IMMP2L: variants seen among roughly 807,000 people sequenced by gnomAD.
IMMP2L encodes inner mitochondrial membrane peptidase subunit 2.
A neutral mutation model predicts 19.3 loss-of-function variants in IMMP2L; 18 were observed. The observed-to-expected ratio is 0.93, with a 90% CI of 0.64 to 1.38. The LOEUF is 1.38. IMMP2L is among the 40% of genes most tolerant of loss of function. The pLI, the probability that IMMP2L is intolerant of heterozygous loss-of-function variation, is 0.00. For synonymous variants in IMMP2L, 76 were observed against 73.0 expected, an observed-to-expected ratio of 1.04 and a Z score of -0.21; for missense variants, 233 against 218.2, an observed-to-expected ratio of 1.07 and a Z score of -0.43.
rs760414678 is a variant in IMMP2L, at chr7:110,727,299, G to A, written c.409-63578C>T. 3.3e-4 allele frequency among the ~76,000 whole-genome samples: 51 copies of A among 152,252 alleles called. No homozygotes were observed. The highest frequency in any genetic ancestry group is 6.8e-4 in the Non-Finnish European group (46 of 68,026). The stretch of plus-strand genomic sequence containing the variant: ...CCAGCTACTCAGGAGGCTGGGGCAG[G>A]AGAAGCACTTGAACCCAGGAGGTGG... On this transcript the variant is annotated intron_variant, in intron 5 of 5. Coordinates refer to ENST00000405709, the MANE Select transcript of IMMP2L (RefSeq NM_032549.4). This position sits in a 1 kb window ranked among gnomAD's most constrained non-coding sequence, Gnocchi z 4.3.
chr7:110,976,215 T>C (rs918768411), intron 3 of IMMP2L, among the ~76,000 whole-genome samples: 4 of 152,078 alleles, frequency 2.6e-5, no homozygotes, highest in African/African-American at 9.6e-5. Context: ...AGTGTTACCC[T>C]TCTCATTATA....
intron 3 of IMMP2L, among the ~76,000 whole-genome samples, chr7:111,410,059 G>C (rs1198802898): frequency 6.6e-6 from 1 of 151,792 alleles, no homozygotes; most frequent in East Asian, 1.9e-4. Context: ...GCAGAGATTG[G>C]CATAAGAATA....
chr7:110,697,486 G>T (rs777696145), intron 5 of IMMP2L, among the ~76,000 whole-genome samples: 6 of 152,172 alleles, frequency 3.9e-5, no homozygotes, highest in Non-Finnish European at 8.8e-5. Flanking sequence ...TCATGGTTTG[G>T]AATTTTAACT....
intron 3 of IMMP2L, among the ~76,000 whole-genome samples, chr7:111,214,617 T>C (rs1298576134): frequency 1.3e-5 from 2 of 149,866 alleles, no homozygotes; most frequent in Admixed American, 6.7e-5. Flanking sequence ...CCTCCCAAAG[T>C]GCAGGGATTA....
chr7:111,290,507 A>T (rs1469501681), intron 3 of IMMP2L, among the ~76,000 whole-genome samples: 8 of 151,546 alleles, frequency 5.3e-5, no homozygotes, highest in African/African-American at 1.5e-4. Flanking sequence ...TTCTTTTTAA[A>T]AAAAAAAAAA....
chr7:111,100,009 G>A (rs1797802584), intron 3 of IMMP2L: 1 of 151,622 alleles, frequency 6.6e-6, no homozygotes. Context: ...ATTCCATGAG[G>A]GAACTGAGGC....
intron 3 of IMMP2L, among the ~76,000 whole-genome samples, chr7:111,266,014 A>G (rs1264225916): frequency 6.6e-6 from 1 of 152,138 alleles, no homozygotes; most frequent in African/African-American, 2.4e-5. Context: ...TGCCTCTTTT[A>G]GAGTTGATTT....
intron 5 of IMMP2L, among the ~76,000 whole-genome samples, chr7:110,744,668 G>A (rs1383432878): frequency 2.0e-5 from 3 of 152,214 alleles, no homozygotes; most frequent in Non-Finnish European, 4.4e-5. Context: ...CTGACTGTTA[G>A]AAGGAAAACT....
chr7:111,156,146 T>G (rs1484255208), intron 3 of IMMP2L, among the ~76,000 whole-genome samples: 1 of 152,140 alleles, frequency 6.6e-6, no homozygotes, highest in Non-Finnish European at 1.5e-5. Context: ...TTTAAAATAA[T>G]ACTGTTGTAG....
At chr7:111,108,299 G>T (rs1798779521) in intron 3 of IMMP2L, among the ~76,000 whole-genome samples, 1 of 152,006 alleles carries the variant, frequency 6.6e-6, no homozygotes, top group Non-Finnish European at 1.5e-5. Flanking sequence ...TCTTTTTGTT[G>T]TTGATACAGC....
intron 3 of IMMP2L, among the ~76,000 whole-genome samples, chr7:111,231,013 A>G (rs2129624257): frequency 7.1e-6 from 1 of 141,606 alleles, no homozygotes; most frequent in East Asian, 2.1e-4. Flanking sequence ...ATGTAGGTAA[A>G]TAAGTAGTGG....
At chr7:110,848,483 T>C (rs1805888557) in intron 5 of IMMP2L, among the ~76,000 whole-genome samples, 1 of 152,176 alleles carries the variant, frequency 6.6e-6, no homozygotes, top group South Asian at 2.1e-4. Flanking sequence ...ATAGTCACTT[T>C]AGAATACAGT....
chr7:110,894,534 T>C (rs758845003), intron 4 of IMMP2L, among the ~76,000 whole-genome samples: 1 of 152,250 alleles, frequency 6.6e-6, no homozygotes, highest in Non-Finnish European at 1.5e-5. Flanking sequence ...GAATTATCTA[T>C]TCAACTTTTA....
At chr7:110,858,613 A>T (rs918956558) in intron 5 of IMMP2L, among the ~76,000 whole-genome samples, 10 of 151,952 alleles carry the variant, frequency 6.6e-5, no homozygotes, top group African/African-American at 2.4e-4. Context: ...TTATTTTATT[A>T]TTATTATACT....
chr7:111,133,673 C>T (rs1249419133), intron 3 of IMMP2L, among the ~76,000 whole-genome samples: 1 of 152,000 alleles, frequency 6.6e-6, no homozygotes, highest in Non-Finnish European at 1.5e-5. Context: ...ATTCGTTTGT[C>T]ATATTTCAAT....
intron 3 of IMMP2L, among the ~76,000 whole-genome samples, chr7:111,288,137 T>C (rs551393448): frequency 6.6e-6 from 1 of 152,230 alleles, no homozygotes; most frequent in Non-Finnish European, 1.5e-5. Flanking sequence ...TTAAACAATG[T>C]GCTATGAGAG....
At chr7:111,073,378 T>C (rs1795124562) in intron 3 of IMMP2L, among the ~76,000 whole-genome samples, 1 of 152,166 alleles carries the variant, frequency 6.6e-6, no homozygotes, top group Admixed American at 6.5e-5. Context: ...ATTTGGGGGT[T>C]CATTGTGCTA....
chr7:110,731,248 ATTATGT>A (rs1278751779), intron 5 of IMMP2L, among the ~76,000 whole-genome samples: 1 of 152,170 alleles, frequency 6.6e-6, no homozygotes, highest in Non-Finnish European at 1.5e-5. Flanking sequence ...GTTAACACTT[ATTATGT>A]TTATAAGAAA....
chr7:110,701,194 G>A lies in IMMP2L; in HGVS notation c.409-37473C>T, dbSNP rs144779423. On this transcript the variant is annotated intron_variant, in intron 5 of 5. Coordinates refer to ENST00000405709, the MANE Select transcript of IMMP2L (RefSeq NM_032549.4). The stretch of plus-strand genomic sequence containing the variant: ...ATATTATTCACCCTAACCTATCATA[G>A]TGTAGTTTTTAGAAATGAACTGCAG... Among the ~76,000 whole-genome samples the A allele has an allele frequency of 7.8e-3, 1,187 of 152,176 alleles. 18 individuals carry two copies. The highest frequency in any genetic ancestry group is 0.028 in the African/African-American group (1,142 of 41,524).
Sources: gnomAD v4.1 joint callset for allele counts (sites outside exome capture counted in the v4.1 genomes callset) on GRCh38, gnomAD v4.1.1 for gene constraint, Gnocchi (gnomAD v3.1) non-coding constraint, MANE v1.5 for transcripts, NCBI Gene and HGNC (gene_info 2026-07-23, HGNC 2026-07-21) for gene names.